Variants in RB1CC1 observed in about 807,000 individuals in gnomAD.
RB1CC1 encodes the protein RB1 inducible coiled-coil 1.
Under a neutral mutation model 177.5 loss-of-function variants are expected in RB1CC1, and 46 were observed. The observed-to-expected ratio is 0.26, with a 90% CI of 0.20 to 0.33. The LOEUF (loss-of-function observed/expected upper bound fraction) is 0.33, where lower values mean the gene tolerates loss of function less well. Among genes scored for constraint, RB1CC1 ranks in the 10% least tolerant of loss-of-function variants. The pLI, the probability that RB1CC1 is intolerant of heterozygous loss-of-function variation, is 1.00. For missense variants in RB1CC1, 1,703 were observed against 1,816.3 expected, an observed-to-expected ratio of 0.94 and a Z score of 1.13; for synonymous variants, 666 against 613.6, an observed-to-expected ratio of 1.09 and a Z score of -1.26.
Position 52,642,419 on chromosome 8 carries a change from T to A in RB1CC1, c.4269A>T (p.Arg1423Ser). The change falls in exon 18 of 24, where the codon AGA (arginine) becomes AGT (serine). Residue 1423 changes from arginine (R) to serine (S), a missense_variant. Arg to Ser is a moderately radical substitution (Grantham distance 110). Around this residue, in one of 6 missense-constraint regions of RB1CC1, gnomAD observed 1,169 missense variants for 1,184.7 expected, o/e 0.99. Coordinates refer to ENST00000025008, the MANE Select transcript of RB1CC1 (RefSeq NM_014781.5). The stretch of plus-strand genomic sequence containing the variant: ...CTTCATCTGCTGTTTCCACAGCGGA[T>A]CTATCTGATTCACCTGGGAGTTCAG... Reference protein sequence around the residue: ...CAPELPGESDRSAVETADEGR... With the variant: ...CAPELPGESDSSAVETADEGR... 2 of 1,614,098 alleles carry A rather than the reference T, an allele frequency of 1.2e-6. No individual in the cohort carries two copies. Among genetic ancestry groups the A allele is most frequent in the Non-Finnish European group, 8.5e-7 (1 of 1,179,970 alleles).
chr8:52,689,850 T>C (rs963958906), intron 1 of RB1CC1, among the ~76,000 whole-genome samples: 7 of 152,086 alleles, frequency 4.6e-5, no homozygotes, highest in Non-Finnish European at 1.5e-5. Flanking sequence ...AGAGAACTGC[T>C]TGAACTGGGA....
At position 52,668,151 on chromosome 8, in the gene RB1CC1, C is replaced by T. The variant is rs143749402; in HGVS notation, c.1043G>A (p.Arg348His). 3.0e-5 allele frequency: 49 copies of T among 1,613,832 alleles called. No individual in the cohort carries two copies. Among genetic ancestry groups the T allele is most frequent in the African/African-American group, 2.4e-4 (18 of 74,912 alleles). Reference sequence around the variant, plus strand: ...ATTATCAAGTTTGGCAATAGTTTGACGGCATTCTGCTATAAATGGTCGAAT... The same window carrying T: ...ATTATCAAGTTTGGCAATAGTTTGATGGCATTCTGCTATAAATGGTCGAAT... Reference protein sequence around the residue: ...RIIRPFIAECRQTIAKLDNQN... With the variant: ...RIIRPFIAECHQTIAKLDNQN... The change falls in exon 8 of 24, where the codon CGT becomes CAT. Residue 348 changes from arginine (R) to histidine (H), a missense_variant. Physicochemically the swap from Arg to His is conservative, Grantham distance 29. Coordinates refer to ENST00000025008, the MANE Select transcript of RB1CC1 (RefSeq NM_014781.5).
At chr8:52,666,171 T>C (rs1186340165) in intron 8 of RB1CC1, among the ~76,000 whole-genome samples, 1 of 149,800 alleles carries the variant, frequency 6.7e-6, no homozygotes, top group East Asian at 1.9e-4. Flanking sequence ...TTTTTCTTAT[T>C]AAAAAAAAAA....
intron 7 of RB1CC1, 114 bp downstream of exon 7, chr8:52,673,731 A>T (rs962875354): frequency 1.9e-5 from 19 of 978,342 alleles, no homozygotes; most frequent in Non-Finnish European, 2.8e-5. Flanking sequence ...TCACTCCAAG[A>T]CTCATTTATT....
intron 8 of RB1CC1, among the ~76,000 whole-genome samples, 168 bp downstream of exon 8, chr8:52,667,853 C>T (rs141966788): frequency 2.9e-4 from 44 of 152,246 alleles, no homozygotes; most frequent in African/African-American, 1.0e-3. Flanking sequence ...GAAACTCAAT[C>T]ATTAAGAACA....
At chr8:52,678,595 G>A (rs778020319) in intron 5 of RB1CC1, among the ~76,000 whole-genome samples, 2 of 152,134 alleles carry the variant, frequency 1.3e-5, no homozygotes, top group Non-Finnish European at 2.9e-5. Context: ...GGGATGCAAC[G>A]AAAGAGGAAG....
At position 52,674,268 on chromosome 8, in the gene RB1CC1, T is replaced by C. The variant is rs771070504; in HGVS notation, c.579A>G (p.Gly193=). 7 of 1,596,884 alleles carry C rather than the reference T, an allele frequency of 4.4e-6. No homozygotes were observed. In the East Asian group the frequency reaches 1.6e-4, roughly 36 times the overall value. The stretch of plus-strand genomic sequence containing the variant: ...TCTTGGCCATTACTGAAACTGCAGT[T>C]CCTAAACTTAAAATACAAAAGATCT... ...EDIKLKLTHL[G]TAVSVMAKIP... Residue 193 remains glycine (G), a synonymous_variant, in exon 7 of 24, where the codon GGA becomes GGG. Coordinates refer to ENST00000025008, the MANE Select transcript of RB1CC1 (RefSeq NM_014781.5).
chr8:52,661,239 C>T lies in RB1CC1; in HGVS notation c.1401G>A (p.Glu467=), dbSNP rs774257001. 9 of 1,613,730 alleles carry T rather than the reference C, an allele frequency of 5.6e-6. No homozygotes were observed. The highest frequency in any genetic ancestry group is 1.6e-4 in the Middle Eastern group (1 of 6,082). Residue 467 remains glutamate (E), a synonymous_variant, in exon 10 of 24, where the codon GAG becomes GAA. Coordinates refer to ENST00000025008, the MANE Select transcript of RB1CC1 (RefSeq NM_014781.5). Reference sequence around the variant, plus strand: ...CGAGGCGGAGCAAAGCTTGTAACTTCTCTCCATCTTGATCAGCATGAAGCA... The same window carrying T: ...CGAGGCGGAGCAAAGCTTGTAACTTTTCTCCATCTTGATCAGCATGAAGCA... ...FVMLHADQDG[E]KLQALLRLVI... is the part of the protein sequence containing the mutation.
At chr8:52,690,039 G>A (rs928367451) in intron 1 of RB1CC1, among the ~76,000 whole-genome samples, 2 of 152,180 alleles carry the variant, frequency 1.3e-5, no homozygotes, top group African/African-American at 2.4e-5. Flanking sequence ...ACTATGAAAC[G>A]CACTTAACAG....
rs1214762126 is a variant in RB1CC1 at position 52,628,032 on chromosome 8, C to T, written c.4636G>A (p.Ala1546Thr). 1 of 1,581,674 alleles carries T rather than the reference C, an allele frequency of 6.3e-7. No homozygotes were observed. The highest frequency in any genetic ancestry group is 8.6e-7 in the Non-Finnish European group (1 of 1,167,728). The stretch of plus-strand genomic sequence containing the variant: ...ATTTTAGTCATGGAATGACACTTAC[C>T]ACCCTCACCTGGTTTGAGATCCAGG... ...PALDLKPGEG[A>T]SGASRRPWVL... is the part of the protein sequence containing the mutation. The change falls in exon 22 of 24, where the codon GCT becomes ACT. Residue 1546 changes from alanine (A) to threonine (T), a missense_variant and splice_region_variant. Ala to Thr is a moderately conservative substitution (Grantham distance 58, BLOSUM62 0). Coordinates refer to ENST00000025008, the MANE Select transcript of RB1CC1 (RefSeq NM_014781.5).
chr8:52,628,496 C>G (rs912214350), intron 21 of RB1CC1, among the ~76,000 whole-genome samples: 1 of 152,098 alleles, frequency 6.6e-6, no homozygotes, highest in East Asian at 1.9e-4. Flanking sequence ...TTTTTTTCTC[C>G]TAATCTTTCA....
intron 5 of RB1CC1, among the ~76,000 whole-genome samples, chr8:52,683,071 A>AT (rs1265463613): frequency 6.6e-6 from 1 of 152,210 alleles, no homozygotes; most frequent in Admixed American, 6.5e-5. Context: ...CTAGAAGGTA[A>AT]ATAGTAAATT....
In RB1CC1 at chr8:52,630,394, T is replaced by C. The variant is rs976766219; in HGVS notation, c.4499+76A>G. 5.4e-6 allele frequency: 8 copies of C among 1,481,122 alleles called. No homozygotes were observed. The African/African-American group carries it at 1.2e-4, about 22-fold the overall frequency. The allele number at this position is 1,481,122 out of a possible 1,614,324, so 91.7% of individuals were successfully genotyped here. ...CAATGAACCTGGACCTGAATTACTG[T>C]CACTGAAATACATTTTCATTAACAA... On this transcript the variant is annotated intron_variant, in intron 21 of 23. Transcript: ENST00000025008.
chr8:52,704,230 T>A (rs1178353026), intron 1 of RB1CC1, among the ~76,000 whole-genome samples: 1 of 152,122 alleles, frequency 6.6e-6, no homozygotes, highest in Non-Finnish European at 1.5e-5. Context: ...AGGGGTACAC[T>A]AGATTATTCT....
chr8:52,638,944 A>G (rs574706044), intron 18 of RB1CC1, among the ~76,000 whole-genome samples: 189 of 152,272 alleles, frequency 1.2e-3, no homozygotes, highest in Non-Finnish European at 1.2e-3. Context: ...GGCTATACCA[A>G]TAATGTACTG....
At chr8:52,677,066 CCAAA>C (rs1853198767) in intron 5 of RB1CC1, among the ~76,000 whole-genome samples, 1 of 152,056 alleles carries the variant, frequency 6.6e-6, no homozygotes, top group South Asian at 2.1e-4. Context: ...ACATTCAGTT[CCAAA>C]CAATGAAGTA....
intron 15 of RB1CC1, among the ~76,000 whole-genome samples, chr8:52,653,759 T>A (rs1427064747): frequency 6.6e-6 from 1 of 152,208 alleles, no homozygotes; most frequent in African/African-American, 2.4e-5. Flanking sequence ...ACCAGCTGAA[T>A]ATCTCAAATG....
At position 52,657,668 on chromosome 8, in the gene RB1CC1, A is replaced by C. The variant is rs1159684730; in HGVS notation, c.2161T>G (p.Leu721Val). ...TCAGGACTTTCTGCTAATGAATCCA[A>C]GTCTAAAGAAACTTGGTGAATAGTC... ...EQTIHQVSLD[L>V]DSLAESPESD... Residue 721 changes from leucine to valine, a missense_variant, in exon 15 of 24, where the codon TTG (leucine) becomes GTG (valine). This residue lies in a region of RB1CC1 where 1,169 missense variants were observed against 1,184.7 expected (regional missense o/e 0.99). Coordinates refer to ENST00000025008, the MANE Select transcript of RB1CC1 (RefSeq NM_014781.5). The C allele has an allele frequency of 6.2e-7, 1 of 1,614,156 alleles. No individual in the cohort carries two copies. Among genetic ancestry groups the C allele is most frequent in the Non-Finnish European group, 8.5e-7 (1 of 1,180,024 alleles).
chr8:52,703,534 T>C (rs1024176507), intron 1 of RB1CC1, among the ~76,000 whole-genome samples: 1 of 152,172 alleles, frequency 6.6e-6, no homozygotes, highest in African/African-American at 2.4e-5. Flanking sequence ...ATGCCTCTAC[T>C]CATGTCATTC....
Sources: gnomAD v4.1 joint callset for allele counts (sites outside exome capture counted in the v4.1 genomes callset) on GRCh38, gnomAD v4.1.1 for gene constraint, gnomAD v4.1.1 regional missense constraint, MANE v1.5 for transcripts, NCBI Gene and HGNC (gene_info 2026-07-23, HGNC 2026-07-21) for gene names.